Variants in LOC128125817 observed in about 807,000 individuals in gnomAD.
the LOC128125817 span, among the ~76,000 whole-genome samples, chr1:41,620,188 G>A: frequency 1.3e-3 from 197 of 152,330 alleles, 2 homozygotes; most frequent in Non-Finnish European, 1.8e-4. Context: ...AGCAGGGCTT[G>A]TCCTGACAGG....
At chr1:41,610,998 A>G in the LOC128125817 span, among the ~76,000 whole-genome samples, 10 of 152,182 alleles carry the variant, frequency 6.6e-5, no homozygotes, top group Admixed American at 2.0e-4. Context: ...TGCAGTTCAT[A>G]CAGGCTTTCT....
At chr1:41,589,083 G>A in the LOC128125817 span, among the ~76,000 whole-genome samples, 3 of 152,208 alleles carry the variant, frequency 2.0e-5, no homozygotes, top group Non-Finnish European at 1.5e-5. Flanking sequence ...CTGTGGTTCT[G>A]AGGGTATGTG....
the LOC128125817 span, among the ~76,000 whole-genome samples, chr1:41,589,541 A>G: frequency 6.6e-6 from 1 of 152,242 alleles, no homozygotes; most frequent in Non-Finnish European, 1.5e-5. Flanking sequence ...AGGCGTCAGG[A>G]CAACATGACC....
At chr1:41,615,880 A>G in the LOC128125817 span, among the ~76,000 whole-genome samples, 1 of 123,698 alleles carries the variant, frequency 8.1e-6, no homozygotes, top group Non-Finnish European at 1.6e-5. Context: ...TTATATTATC[A>G]TGCATAATAT....
chr1:41,617,562 G>A, the LOC128125817 span, among the ~76,000 whole-genome samples: 1 of 152,238 alleles, frequency 6.6e-6, no homozygotes, highest in African/African-American at 2.4e-5. Context: ...CTCTTAAAGT[G>A]CGGCACCGCC....
the LOC128125817 span, among the ~76,000 whole-genome samples, chr1:41,588,155 G>C: frequency 1.3e-5 from 2 of 152,218 alleles, no homozygotes; most frequent in Non-Finnish European, 2.9e-5. Flanking sequence ...GCAGCACAGA[G>C]AGAACTGCTC....
the LOC128125817 span, among the ~76,000 whole-genome samples, chr1:41,592,541 C>T: frequency 6.6e-6 from 1 of 152,174 alleles, no homozygotes; most frequent in South Asian, 2.1e-4. Flanking sequence ...AGTGAGCATC[C>T]ATCTAGTGAT....
At chr1:41,587,091 C>T in the LOC128125817 span, among the ~76,000 whole-genome samples, 1 of 152,084 alleles carries the variant, frequency 6.6e-6, no homozygotes, top group Admixed American at 6.5e-5. Context: ...GTCTTATAGC[C>T]AGACAGGATG....
At chr1:41,596,663 C>G in the LOC128125817 span, among the ~76,000 whole-genome samples, 1 of 152,174 alleles carries the variant, frequency 6.6e-6, no homozygotes, top group African/African-American at 2.4e-5. Context: ...ACAAAACAAA[C>G]ATATTGATTC....
chr1:41,595,592 G>C, the LOC128125817 span, among the ~76,000 whole-genome samples: 1 of 152,196 alleles, frequency 6.6e-6, no homozygotes, highest in Non-Finnish European at 1.5e-5. Flanking sequence ...GGAGGCTTGT[G>C]ATGATTAATA....
the LOC128125817 span, among the ~76,000 whole-genome samples, chr1:41,627,459 T>A: frequency 5.3e-5 from 8 of 152,162 alleles, no homozygotes; most frequent in Non-Finnish European, 8.8e-5. Flanking sequence ...CAGTTCTTCC[T>A]TGGAATCCAG....
At chr1:41,594,254 G>A in the LOC128125817 span, among the ~76,000 whole-genome samples, 9 of 152,108 alleles carry the variant, frequency 5.9e-5, no homozygotes, top group East Asian at 1.5e-3. Flanking sequence ...ATGGAGTCTC[G>A]CTCTGTTGCC....
the LOC128125817 span, among the ~76,000 whole-genome samples, chr1:41,592,599 G>GT: frequency 6.6e-6 from 1 of 152,184 alleles, no homozygotes; most frequent in African/African-American, 2.4e-5. Context: ...GACTGACTGA[G>GT]AGGTGGACTG....
chr1:41,594,495 TA>T, the LOC128125817 span, among the ~76,000 whole-genome samples: 1 of 152,234 alleles, frequency 6.6e-6, no homozygotes, highest in Non-Finnish European at 1.5e-5. Context: ...GTGCTGGGAT[TA>T]CAGGTGTGAG....
At chr1:41,589,013 G>A in the LOC128125817 span, among the ~76,000 whole-genome samples, 6 of 152,344 alleles carry the variant, frequency 3.9e-5, no homozygotes, top group African/African-American at 1.2e-4. Context: ...GGCATAAACC[G>A]AAGGACCGTT....
At chr1:41,601,234 GT>G in the LOC128125817 span, among the ~76,000 whole-genome samples, 40 of 152,162 alleles carry the variant, frequency 2.6e-4, no homozygotes, top group East Asian at 5.8e-3. Flanking sequence ...GGCTATTTGT[GT>G]TTTTTGTGGT....
At chr1:41,616,768 A>T in the LOC128125817 span, among the ~76,000 whole-genome samples, 1 of 151,816 alleles carries the variant, frequency 6.6e-6, no homozygotes, top group Non-Finnish European at 1.5e-5. Context: ...TTGTTTTTCT[A>T]AAAATGGTAT....
the LOC128125817 span, among the ~76,000 whole-genome samples, chr1:41,624,438 G>A: frequency 6.6e-6 from 1 of 152,200 alleles, no homozygotes; most frequent in Non-Finnish European, 1.5e-5. Context: ...AGTGCTGCCG[G>A]TTTAATTTGG....
the LOC128125817 span, among the ~76,000 whole-genome samples, chr1:41,585,703 G>C: frequency 2.0e-5 from 3 of 152,272 alleles, no homozygotes; most frequent in Admixed American, 6.5e-5. Context: ...CTAAGCCTCA[G>C]TTGCCTAATC....
Sources: gnomAD v4.1 joint callset for allele counts (sites outside exome capture counted in the v4.1 genomes callset) on GRCh38, gnomAD v4.1.1 for gene constraint, MANE v1.5 for transcripts.